CNTNAP2: variants seen among roughly 807,000 people sequenced by gnomAD.
The protein encoded by CNTNAP2 is contactin associated protein 2.
A neutral mutation model predicts 155.2 loss-of-function variants in CNTNAP2; 98 were observed. That is an observed-to-expected ratio of 0.63 (90% CI 0.54 to 0.75). The LOEUF (loss-of-function observed/expected upper bound fraction) is 0.75. CNTNAP2 is among the 30% of genes least tolerant of loss of function. CNTNAP2 has a pLI of 0.00. For synonymous variants in CNTNAP2, 651 were observed against 631.2 expected, an observed-to-expected ratio of 1.03 and a Z score of -0.47; for missense variants, 1,727 against 1,688.1, an observed-to-expected ratio of 1.02 and a Z score of -0.40.
intron 12 of CNTNAP2, chr7:147,638,854 T>G (rs1465171043): frequency 1.6e-6 from 1 of 614,870 alleles, no homozygotes; most frequent in Non-Finnish European, 3.0e-6. Flanking sequence ...TTTTTTTTTT[T>G]CTTTTTTTGC....
At chr7:146,689,713 G>T (rs10242098) in intron 1 of CNTNAP2, among the ~76,000 whole-genome samples, 4,916 of 152,218 alleles carry the variant, frequency 0.032, 69 homozygotes, top group African/African-American at 0.042. Flanking sequence ...ATAAAAAGCT[G>T]CAGTTGTGAG....
chr7:147,593,065 C>A (rs1405082040), intron 12 of CNTNAP2, among the ~76,000 whole-genome samples: 1 of 152,120 alleles, frequency 6.6e-6, no homozygotes. Flanking sequence ...ATATTTTTAT[C>A]TTTCTGTAAC....
intron 3 of CNTNAP2, among the ~76,000 whole-genome samples, chr7:146,918,206 G>T (rs996984629): frequency 6.6e-6 from 1 of 151,984 alleles, no homozygotes; most frequent in Admixed American, 6.6e-5. Context: ...GTGAGGTATT[G>T]TTTTATTCAT....
In CNTNAP2 at chr7:147,978,388, T is replaced by G. The variant is rs372495549; in HGVS notation, c.2383+399T>G. On this transcript the variant is annotated intron_variant, in intron 15 of 23. Transcript: ENST00000361727. ...TATGGTGATATAAATAGTAGCATTA[T>G]GGCTTAATGTATCATTGTAAACTTG... 2.6e-5 allele frequency among the ~76,000 whole-genome samples: 4 copies of G among 152,204 alleles called. No homozygotes were observed. In the East Asian group the frequency reaches 7.7e-4, roughly 29 times the overall value.
intron 1 of CNTNAP2, among the ~76,000 whole-genome samples, chr7:146,568,711 C>A (rs961414605): frequency 1.1e-4 from 17 of 152,046 alleles, no homozygotes; most frequent in African/African-American, 3.9e-4. Context: ...TAGACAGAAA[C>A]CAACTTTTAA....
At chr7:146,706,769 A>G (rs929455431) in intron 1 of CNTNAP2, among the ~76,000 whole-genome samples, 5 of 152,210 alleles carry the variant, frequency 3.3e-5, no homozygotes, top group Admixed American at 2.6e-4. Context: ...CCTTTCAGAG[A>G]GTGGACGGTG....
intron 9 of CNTNAP2, among the ~76,000 whole-genome samples, chr7:147,383,408 G>A (rs826654): frequency 0.78 from 118,758 of 152,152 alleles, 47,078 homozygotes; most frequent in African/African-American, 0.93. Flanking sequence ...GATTGTTTTA[G>A]ATAAGTAAGG....
intron 4 of CNTNAP2, among the ~76,000 whole-genome samples, chr7:147,092,663 TA>T (rs1488408079): frequency 6.6e-6 from 1 of 152,214 alleles, no homozygotes; most frequent in Non-Finnish European, 1.5e-5. Flanking sequence ...CAAATAGCTT[TA>T]AAAAATTCTG....
intron 15 of CNTNAP2, among the ~76,000 whole-genome samples, chr7:148,095,351 C>T (rs1278703305): frequency 2.0e-5 from 3 of 152,234 alleles, no homozygotes; most frequent in Admixed American, 6.5e-5. Context: ...GTGTTCTCTG[C>T]ATGAGGTCTC....
At chr7:147,326,117 G>T (rs1383583124) in intron 9 of CNTNAP2, among the ~76,000 whole-genome samples, 1 of 152,110 alleles carries the variant, frequency 6.6e-6, no homozygotes, top group Non-Finnish European at 1.5e-5. Context: ...GTAGAGATGG[G>T]GTTTCACCGT....
At chr7:147,275,914 G>A (rs1338864097) in intron 8 of CNTNAP2, among the ~76,000 whole-genome samples, 1 of 151,918 alleles carries the variant, frequency 6.6e-6, no homozygotes, top group Non-Finnish European at 1.5e-5. Context: ...CACCTATTGA[G>A]TTGATCATAT....
chr7:146,243,646 G>A (rs73455885), intron 1 of CNTNAP2, among the ~76,000 whole-genome samples: 10 of 152,160 alleles, frequency 6.6e-5, no homozygotes, highest in Non-Finnish European at 8.8e-5. Flanking sequence ...ATGTGGGTTC[G>A]AATTTGAACT....
intron 9 of CNTNAP2, among the ~76,000 whole-genome samples, chr7:147,392,264 A>T (rs914171217): frequency 2.0e-5 from 3 of 151,240 alleles, no homozygotes; most frequent in African/African-American, 7.3e-5. Flanking sequence ...TCCCTAAATT[A>T]CTGCCACATT....
intron 1 of CNTNAP2, among the ~76,000 whole-genome samples, chr7:146,251,472 TA>T (rs1251900787): frequency 2.0e-5 from 3 of 152,196 alleles, no homozygotes; most frequent in Non-Finnish European, 2.9e-5. Flanking sequence ...AATTTTATAA[TA>T]AAATAGTTAA....
At position 148,369,181 on chromosome 7, in the gene CNTNAP2, C is replaced by CTTTTTTTTTTTTTTTTTTT. The variant is rs376460265; in HGVS notation, c.3476-14456_3476-14438dup. Among the ~76,000 whole-genome samples the CTTTTTTTTTTTTTTTTTTT allele has an allele frequency of 4.3e-5, 4 of 92,346 alleles. 1 individual carries two copies. Among genetic ancestry groups the CTTTTTTTTTTTTTTTTTTT allele is most frequent in the Non-Finnish European group, 5.5e-5 (3 of 54,606 alleles). The allele number at this position is 92,346 out of a possible 152,430, so 60.6% of individuals were successfully genotyped here. On this transcript the variant is annotated intron_variant, in intron 21 of 23. Coordinates refer to ENST00000361727, the MANE Select transcript of CNTNAP2 (RefSeq NM_014141.6). ...ATTTTTTTTAATTAAAATTGAATCC[C>CTTTTTTTTTTTTTTTTTTT]TTTTTTTTTTTTTTTTTTTTTTTTT...
intron 3 of CNTNAP2, among the ~76,000 whole-genome samples, chr7:146,954,044 A>G (rs1296984647): frequency 6.6e-6 from 1 of 151,944 alleles, no homozygotes; most frequent in African/African-American, 2.4e-5. Context: ...AGATTTTCAG[A>G]TAAAAGCAAC....
rs11440955 is a variant in CNTNAP2, at chr7:147,788,900, C to CTTTT, written c.2099-114646_2099-114643dup. Among the ~76,000 whole-genome samples, 194 of 100,732 alleles carry CTTTT rather than the reference C, an allele frequency of 1.9e-3. 1 individual carries two copies. Among genetic ancestry groups the CTTTT allele is most frequent in the Non-Finnish European group, 2.7e-3 (146 of 53,256 alleles). 66.1% of individuals were successfully genotyped at this position (100,732 alleles called of 152,430 possible). A position where few individuals can be genotyped will look rare whatever the true frequency, so the allele number is the denominator to read the frequency against. ...TAGGATATACTTTTTTTTTCTTTTT[C>CTTTT]TTTTTTTTTTTTTTTTTTTTTTGAG... On this transcript the variant is annotated intron_variant, in intron 13 of 23. Transcript: ENST00000361727.
intron 1 of CNTNAP2, among the ~76,000 whole-genome samples, chr7:146,551,635 C>G (rs1028748192): frequency 6.6e-6 from 1 of 151,930 alleles, no homozygotes; most frequent in Admixed American, 6.6e-5. Flanking sequence ...CCAAAAGACA[C>G]TAAAAAAATG....
At chr7:148,116,467 TTC>T (rs1804474466) in intron 15 of CNTNAP2, among the ~76,000 whole-genome samples, 1 of 151,694 alleles carries the variant, frequency 6.6e-6, no homozygotes, top group African/African-American at 2.4e-5. Context: ...ACAAACACAT[TTC>T]TCTCTCTCCA....
Sources: allele counts gnomAD v4.1 joint callset (sites outside exome capture counted in the v4.1 genomes callset), GRCh38; gene constraint gnomAD v4.1.1; transcripts MANE v1.5; gene names NCBI Gene and HGNC (gene_info 2026-07-23, HGNC 2026-07-21).